ADAM10: variants seen among roughly 807,000 people sequenced by gnomAD.
The protein encoded by ADAM10 is disintegrin and metalloproteinase domain-containing protein 10.
ADAM10 carries 17 observed loss-of-function variants against 90.1 expected under a neutral mutation model. The ratio of observed to expected loss-of-function variants is 0.19; its 90% CI spans 0.13 to 0.28. The LOEUF is 0.28. Among genes scored for constraint, ADAM10 ranks in the 10% least tolerant of loss-of-function variants. The probability of loss-of-function intolerance (pLI) is 1.00; values close to 1 mark genes in which losing one functional copy is unlikely to be tolerated. For missense variants in ADAM10, 610 were observed against 914.3 expected, an observed-to-expected ratio of 0.67 and a Z score of 4.29; for synonymous variants, 310 against 298.6, an observed-to-expected ratio of 1.04 and a Z score of -0.40.
Position 58,621,519 on chromosome 15 carries a change from T to C in ADAM10, c.1463A>G (p.Asn488Ser), listed in dbSNP as rs951367248. The C allele has an allele frequency of 7.4e-6, 12 of 1,614,034 alleles. No individual in the cohort carries two copies. The African/African-American group carries it at 8.0e-5, about 11-fold the overall frequency. Residue 488 changes from asparagine to serine, a missense_variant, in exon 11 of 16, where the codon AAT (asparagine) becomes AGT (serine). By Grantham distance (46) the Asn-to-Ser change is conservative. This residue lies in a region of ADAM10 where 53 missense variants were observed against 62.0 expected (regional missense o/e 0.85). Transcript: ENST00000260408. ...TTTGCATTTTCTTCCCTCTGGTTGA[T>C]TTGCATCGAAGCAGCATTCATCTTT... ...QCKDECCFDA[N>S]QPEGRKCKLK...
chr15:58,622,836 G>C (rs16940602), intron 10 of ADAM10, among the ~76,000 whole-genome samples: 7,641 of 152,256 alleles, frequency 0.05, 654 homozygotes, highest in African/African-American at 0.17. Context: ...AGCAACTGCA[G>C]AGAATGATAA....
intron 5 of ADAM10, among the ~76,000 whole-genome samples, chr15:58,652,762 T>A (rs1047396219): frequency 6.6e-6 from 1 of 152,174 alleles, no homozygotes; most frequent in Admixed American, 6.5e-5. Flanking sequence ...GCTTTTTCTA[T>A]TTCTGTGAAG....
intron 11 of ADAM10, among the ~76,000 whole-genome samples, chr15:58,613,776 A>T (rs897096857): frequency 6.6e-6 from 1 of 152,166 alleles, no homozygotes; most frequent in South Asian, 2.1e-4. Context: ...AAGAAAGTCT[A>T]TAAGACTTAT....
chr15:58,655,039 G>A (rs1391879986), intron 5 of ADAM10, among the ~76,000 whole-genome samples: 1 of 152,160 alleles, frequency 6.6e-6, no homozygotes, highest in African/African-American at 2.4e-5. Context: ...TAAGTCTGAT[G>A]TTTCTTTGTT....
chr15:58,651,669 A>G (rs1006933162), intron 5 of ADAM10, among the ~76,000 whole-genome samples: 1 of 152,226 alleles, frequency 6.6e-6, no homozygotes, highest in Admixed American at 6.5e-5. Flanking sequence ...ATTAACAGAC[A>G]CTTAGGCTGC....
chr15:58,599,750 GAAAAAAA>G, intron 14 of ADAM10, 26 bp from the exon 15 acceptor site: 1 of 1,429,896 alleles, frequency 7.0e-7, no homozygotes, highest in East Asian at 2.8e-5. Flanking sequence ...TTTTTCCACT[GAAAAAAA>G]AAAAACTACA....
At chr15:58,693,102 G>C (rs757022527) in intron 2 of ADAM10, 1 of 743,226 alleles carries the variant, frequency 1.3e-6, no homozygotes, top group South Asian at 1.3e-5. Flanking sequence ...TGTTGGAATA[G>C]AAGGTATTGA....
intron 4 of ADAM10, among the ~76,000 whole-genome samples, chr15:58,673,542 T>A (rs2140741663): frequency 6.6e-6 from 1 of 151,500 alleles, no homozygotes. Flanking sequence ...TAAATATATA[T>A]GAATATACAT....
chr15:58,661,268 G>A (rs1237822444), intron 5 of ADAM10, among the ~76,000 whole-genome samples: 7 of 152,046 alleles, frequency 4.6e-5, no homozygotes, highest in African/African-American at 1.7e-4. Context: ...ACTCTTCTGT[G>A]TGTATCCGAG....
At chr15:58,725,230 AAT>A (rs1898991456) in intron 1 of ADAM10, among the ~76,000 whole-genome samples, 1 of 151,996 alleles carries the variant, frequency 6.6e-6, no homozygotes, top group African/African-American at 2.4e-5. Flanking sequence ...TTATTATATG[AAT>A]ATAAAAAATA....
rs1443027797 is a variant in ADAM10, at chr15:58,665,100, T to C, written c.582A>G (p.Thr194=). ...AAGCTAGTGTTAAAATCCTTACCTG[T>C]GTTACTTCCTCTACACCAGTCATCT... ...KYQMTGVEEV[T]QIPQEEHAAN... is the part of the protein sequence containing the mutation. Residue 194 remains threonine (T), a synonymous_variant, in exon 5 of 16, where the codon ACA becomes ACG. Coordinates refer to ENST00000260408, the MANE Select transcript of ADAM10 (RefSeq NM_001110.4). 1.9e-6 allele frequency: 3 copies of C among 1,604,368 alleles called. No individual in the cohort carries two copies. Among genetic ancestry groups the C allele is most frequent in the Middle Eastern group, 1.7e-4 (1 of 6,032 alleles).
chr15:58,738,755 T>C (rs978147264), intron 1 of ADAM10, among the ~76,000 whole-genome samples: 34 of 152,334 alleles, frequency 2.2e-4, no homozygotes, highest in Admixed American at 1.0e-3. Flanking sequence ...AATCAAAAAA[T>C]TGAAATGTGT....
Position 58,593,149 on chromosome 15 carries a change from A to ATTTTTTTTTTTTTTTTT in ADAM10, c.*4381_*4397dup, listed in dbSNP as rs766149223. On this transcript the variant is annotated 3_prime_UTR_variant, in exon 16 of 16. Coordinates refer to ENST00000260408, the MANE Select transcript of ADAM10 (RefSeq NM_001110.4). ...AAAGTAACAAAGGCCAGGTACTCAAATTTTTTTTTTTTTTTTTTTTTTTTT... is the reference window on the plus strand; with the variant it reads ...AAAGTAACAAAGGCCAGGTACTCAAATTTTTTTTTTTTTTTTTTTTTTTTTTTTTTTTTTTTTTTTTT... The ATTTTTTTTTTTTTTTTT allele has an allele frequency of 1.0e-4, 7 of 68,466 alleles. 1 individual carries two copies. Among genetic ancestry groups the ATTTTTTTTTTTTTTTTT allele is most frequent in the Non-Finnish European group, 1.9e-4 (7 of 36,234 alleles). The allele number at this position is 68,466 out of a possible 1,614,324, so 4.2% of individuals were successfully genotyped here.
At chr15:58,627,630 T>A (rs921368719) in intron 10 of ADAM10, 70 bp downstream of exon 10, 14 of 1,396,402 alleles carry the variant, frequency 1.0e-5, no homozygotes, top group Non-Finnish European at 1.3e-5. Flanking sequence ...CAGTAATCAC[T>A]ATAGAATTCT....
Position 58,749,668 on chromosome 15 carries a change from C to G in ADAM10, c.-134G>C, listed in dbSNP as rs1333782247. 1 of 1,472,810 alleles carries G rather than the reference C, an allele frequency of 6.8e-7. No homozygotes were observed. Among genetic ancestry groups the G allele is most frequent in the African/African-American group, 1.4e-5 (1 of 69,974 alleles). 91.2% of individuals were successfully genotyped at this position (1,472,810 alleles called of 1,614,324 possible). A position where few individuals can be genotyped will look rare whatever the true frequency, so the allele number is the denominator to read the frequency against. On this transcript the variant is annotated 5_prime_UTR_variant, in exon 1 of 16. Coordinates refer to ENST00000260408, the MANE Select transcript of ADAM10 (RefSeq NM_001110.4). ...GGACCTCCCCTGGCAGGAGAAACGG[C>G]GAAGCACCTCCCTCTCGCTCCACTT...
chr15:58,657,695 C>T (rs757458902), intron 5 of ADAM10, among the ~76,000 whole-genome samples: 6 of 152,070 alleles, frequency 3.9e-5, no homozygotes, highest in Non-Finnish European at 7.4e-5. Context: ...AGGATTTGTC[C>T]CCAGTGCCTT....
At position 58,667,954 on chromosome 15, in the gene ADAM10, AG is replaced by A. The variant is rs573866552; in HGVS notation, c.485-2758del. Among the ~76,000 whole-genome samples the A allele has an allele frequency of 5.9e-4, 90 of 152,120 alleles. 2 individuals carry two copies. In the Middle Eastern group the frequency reaches 0.014, roughly 23 times the overall value. ...AGAAAAGCACAGAGTGATTGTCCCT[AG>A]AAAGAGGAGGAAGTTGAAAATGACC... On this transcript the variant is annotated intron_variant, in intron 4 of 15. Coordinates refer to ENST00000260408, the MANE Select transcript of ADAM10 (RefSeq NM_001110.4).
intron 2 of ADAM10, among the ~76,000 whole-genome samples, chr15:58,706,702 G>A (rs879599668): frequency 6.6e-6 from 1 of 152,026 alleles, no homozygotes; most frequent in African/African-American, 2.4e-5. Context: ...ACCCCACCAG[G>A]CATCTTCCAC....
chr15:58,593,216 G>T lies in ADAM10; in HGVS notation c.*4331C>A. ...TTTTTTTGAGACAGAGTCTCGCTCT[G>T]TCACCCAGGCTGGAGTGCAATGGCG... On this transcript the variant is annotated 3_prime_UTR_variant, in exon 16 of 16. Transcript: ENST00000260408. 8.7e-6 allele frequency: 1 copy of T among 114,896 alleles called. No homozygotes were observed. The highest frequency in any genetic ancestry group is 3.3e-5 in the African/African-American group (1 of 30,476). 7.1% of individuals were successfully genotyped at this position (114,896 alleles called of 1,614,324 possible).
Sources: gnomAD v4.1 joint callset for allele counts (sites outside exome capture counted in the v4.1 genomes callset) on GRCh38, gnomAD v4.1.1 for gene constraint, gnomAD v4.1.1 regional missense constraint, MANE v1.5 for transcripts, NCBI Gene and HGNC (gene_info 2026-07-23, HGNC 2026-07-21) for gene names.